PLEC: variants seen among roughly 807,000 people sequenced by gnomAD.
The protein encoded by PLEC is plectin, also known as hemidesmosomal protein 1.
A neutral mutation model predicts 392.8 loss-of-function variants in PLEC; 216 were observed. The observed-to-expected ratio is 0.55, with a 90% confidence interval of 0.49 to 0.62. The LOEUF is 0.62. Ranked by LOEUF, PLEC falls within the 20% of genes least tolerant of loss-of-function variation. The pLI is 0.00. For synonymous variants in PLEC, 3,621 were observed against 2,980.6 expected, an observed-to-expected ratio of 1.21 and a Z score of -7.00; for missense variants, 6,863 against 6,563.4, an observed-to-expected ratio of 1.05 and a Z score of -1.58.
In PLEC at chr8:143,929,575, G is replaced by T; in HGVS notation, c.2924-4C>A. 1 of 1,612,310 alleles carries T rather than the reference G, an allele frequency of 6.2e-7. No homozygotes were observed. The highest frequency in any genetic ancestry group is 8.5e-7 in the Non-Finnish European group (1 of 1,179,902). On this transcript the variant is annotated splice_region_variant and splice_polypyrimidine_tract_variant and intron_variant, in intron 23 of 31. Transcript: ENST00000345136. ...CAGCGAGACTCTTCCTGTGCACCTGGGGAACACATGTGGGTCACTCCACCG... is the reference window on the plus strand; with the variant it reads ...CAGCGAGACTCTTCCTGTGCACCTGTGGAACACATGTGGGTCACTCCACCG...
rs527943274 is a variant in PLEC, at chr8:143,922,487, C to G, written c.7425+17G>C. ...TCCCCGGGCCCACCCGCCCGTCGCA[C>G]GTAGAGGGGGCGGTACCTCCTCAGA... On this transcript the variant is annotated intron_variant, in intron 31 of 31. Transcript: ENST00000345136. 1.9e-6 allele frequency: 3 copies of G among 1,605,572 alleles called. No individual in the cohort carries two copies. The highest frequency in any genetic ancestry group is 2.7e-5 in the African/African-American group (2 of 75,060).
chr8:143,925,988 G>A, intron 30 of PLEC, 104 bp from the exon 31 acceptor site: 1 of 1,301,624 alleles, frequency 7.7e-7, no homozygotes, highest in Non-Finnish European at 1.1e-6. Flanking sequence ...GCGCGGAGCA[G>A]GGGTCGGGGA....
rs201043674 is a variant in PLEC, at chr8:143,917,170, C to T, written c.12651G>A (p.Ser4217=). ...DAIAKNLIDR[S]ALDQYRAGTL... The stretch of plus-strand genomic sequence containing the variant: ...TGCCGGCGCGGTACTGGTCCAGTGC[C>T]GAGCGGTCGATGAGGTTCTTGGCGA... Residue 4217 remains serine (S), a synonymous_variant, in exon 32 of 32, where the codon TCG becomes TCA. Coordinates refer to ENST00000345136, the MANE Select transcript of PLEC (RefSeq NM_201384.3). The T allele has an allele frequency of 3.3e-5, 53 of 1,611,814 alleles. No homozygotes were observed. In the Middle Eastern group the frequency reaches 6.6e-4, roughly 20 times the overall value.
chr8:143,926,648 G>T (rs879996117), intron 30 of PLEC, 136 bp downstream of exon 30: 4 of 797,204 alleles, frequency 5.0e-6, no homozygotes, highest in Non-Finnish European at 8.8e-6. Flanking sequence ...CTGGGGGCAG[G>T]GGGTGCTGGC....
Position 143,917,183 on chromosome 8 carries a change from A to C in PLEC, c.12638T>G (p.Leu4213Arg), listed in dbSNP as rs1554671330. The change falls in exon 32 of 32, where the codon CTC becomes CGC. Residue 4213 changes from leucine (L) to arginine (R), a missense_variant. Physicochemically the swap from Leu to Arg is moderately radical, Grantham distance 102 (BLOSUM62 -2). Transcript: ENST00000345136. ...CTGGTCCAGTGCCGAGCGGTCGATGAGGTTCTTGGCGATGGCATCATCGAT... is the reference window on the plus strand; with the variant it reads ...CTGGTCCAGTGCCGAGCGGTCGATGCGGTTCTTGGCGATGGCATCATCGAT... ...YDIDDAIAKN[L>R]IDRSALDQYR... 3 of 1,612,272 alleles carry C rather than the reference A, an allele frequency of 1.9e-6. No individual in the cohort carries two copies. The highest frequency in any genetic ancestry group is 2.7e-5 in the African/African-American group (2 of 74,990).
At chr8:143,933,380 A>G in intron 12 of PLEC, 29 bp from the exon 13 acceptor site, 4 of 1,604,854 alleles carry the variant, frequency 2.5e-6, no homozygotes, top group Non-Finnish European at 3.4e-6. Context: ...GACTCGGAGC[A>G]CAGCTGATCC....
In PLEC at chr8:143,925,545, C is replaced by T; in HGVS notation, c.4384G>A (p.Glu1462Lys). 1.3e-6 allele frequency: 2 copies of T among 1,594,044 alleles called. No homozygotes were observed. Among genetic ancestry groups the T allele is most frequent in the Non-Finnish European group, 8.5e-7 (1 of 1,177,482 alleles). Residue 1462 changes from glutamate (E) to lysine (K), a missense_variant, in exon 31 of 32, where the codon GAG becomes AAG. By Grantham distance (56) the Glu-to-Lys change is moderately conservative (BLOSUM62 1). Transcript: ENST00000345136. ...CCGCCACGCTGGCGCTCGGTGGCCT[C>T]CAACTGCAGGCGCACCACGCGGATC... ...EEIRVVRLQLEATERQRGGAE... is the reference protein window; with the variant it reads ...EEIRVVRLQLKATERQRGGAE...
In PLEC at chr8:143,920,628, CGGTGCCGGCCTGGGCTTCCAACA is replaced by C; in HGVS notation, c.9170_9192del (p.Leu3057ArgfsTer29). ...CTGGTGGCGGGGTCGATGATGTGCC[CGGTGCCGGCCTGGGCTTCCAACA>C]GGGCCACGGCCATGTCGGATGGCAG... On this transcript the variant is annotated frameshift_variant, in exon 32 of 32. Transcript: ENST00000345136. LOFTEE classifies it high-confidence loss of function. 1 of 1,606,658 alleles carries C rather than the reference CGGTGCCGGCCTGGGCTTCCAACA, an allele frequency of 6.2e-7. No individual in the cohort carries two copies. Among genetic ancestry groups the C allele is most frequent in the South Asian group, 1.1e-5 (1 of 91,086 alleles).
In PLEC at chr8:143,926,862, G is replaced by C; in HGVS notation, c.3966C>G (p.His1322Gln). 6.2e-7 allele frequency: 1 copy of C among 1,613,452 alleles called. No homozygotes were observed. Among genetic ancestry groups the C allele is most frequent in the Non-Finnish European group, 8.5e-7 (1 of 1,179,782 alleles). ...VIQEYVDLRT[H>Q]YSELTTLTSQ... ...TCGTCAGTGTGGTCAGCTCGCTGTA[G>C]TGCGTACGCAGGTCCACGTACTGTG... The change falls in exon 30 of 32, where the codon CAC becomes CAG. Residue 1322 changes from histidine to glutamine, a missense_variant. His to Gln is a conservative substitution (Grantham distance 24). Transcript: ENST00000345136.
At chr8:143,939,606 C>G (rs951247195), upstream of PLEC, 63 of 1,481,182 alleles carry the variant, frequency 4.3e-5, no homozygotes, top group African/African-American at 7.4e-4. Context: ...CCAGTCGGTG[C>G]GGCCACTCCC....
At position 143,923,667 on chromosome 8, in the gene PLEC, G is replaced by A. The variant is rs558683670; in HGVS notation, c.6262C>T (p.Arg2088Trp). 1.6e-4 allele frequency: 257 copies of A among 1,560,090 alleles called. 3 individuals carry two copies. In the South Asian group the frequency reaches 2.3e-3, roughly 14 times the overall value. ...QLRGEAEAARRAAEEAEEARV... is the reference protein window; with the variant it reads ...QLRGEAEAARWAAEEAEEARV... ...GCCTCCTCCGCCTCCTCAGCCGCCC[G>A]CCGGGCCGCCTCCGCCTCGCCGCGC... The change falls in exon 31 of 32, where the codon CGG (arginine) becomes TGG (tryptophan). Residue 2088 changes from arginine (R) to tryptophan (W), a missense_variant. Coordinates refer to ENST00000345136, the MANE Select transcript of PLEC (RefSeq NM_201384.3).
chr8:143,920,273 T>A lies in PLEC; in HGVS notation c.9548A>T (p.Asp3183Val). Residue 3183 changes from aspartate to valine, a missense_variant, in exon 32 of 32, where the codon GAC (aspartate) becomes GTC (valine). By Grantham distance (152) the Asp-to-Val change is radical (BLOSUM62 -3). Transcript: ENST00000345136. ...APRADAKAYS[D>V]PSTGEPATYG... is the part of the protein sequence containing the mutation. ...GGTGGCCGGCTCCCCTGTGCTGGGGTCACTGTAGGCCTTGGCGTCGGCCCT... is the reference window on the plus strand; with the variant it reads ...GGTGGCCGGCTCCCCTGTGCTGGGGACACTGTAGGCCTTGGCGTCGGCCCT... 1 of 1,596,076 alleles carries A rather than the reference T, an allele frequency of 6.3e-7. No individual in the cohort carries two copies. Among genetic ancestry groups the A allele is most frequent in the South Asian group, 1.1e-5 (1 of 90,244 alleles).
At chr8:143,946,468 G>A (rs12549853) in intron 1 of PLEC, 430,673 of 1,148,714 alleles carry the variant, frequency 0.37, 83,926 homozygotes, top group Non-Finnish European at 0.4. Flanking sequence ...AGGGGTGGGA[G>A]GCAGAGGGAG....
intron 2 of PLEC, 109 bp downstream of exon 2, chr8:143,938,522 G>C: frequency 1.9e-6 from 3 of 1,550,924 alleles, no homozygotes; most frequent in Non-Finnish European, 2.7e-6. Flanking sequence ...AGAGATGAAA[G>C]GTGAGCACAC....
chr8:143,944,268 G>T (rs1831091462), upstream of PLEC, among the ~76,000 whole-genome samples: 1 of 152,082 alleles, frequency 6.6e-6, no homozygotes, highest in Admixed American at 6.5e-5. Context: ...AGCACTGCCC[G>T]CGGCCTCGGC....
At position 143,925,437 on chromosome 8, in the gene PLEC, G is replaced by A. The variant is rs782021381; in HGVS notation, c.4492C>T (p.Arg1498Cys). The change falls in exon 31 of 32, where the codon CGC (arginine) becomes TGC (cysteine). Residue 1498 changes from arginine (R) to cysteine (C), a missense_variant. Coordinates refer to ENST00000345136, the MANE Select transcript of PLEC (RefSeq NM_201384.3). Reference protein sequence around the residue: ...QKRQAQEEAERLRRQVQDESQ... With the variant: ...QKRQAQEEAECLRRQVQDESQ... ...TCGTCCTGCACCTGCCTCCGCAAGC[G>A]CTCGGCCTCCTCCTGCGCCTGTCGC... The A allele has an allele frequency of 8.2e-6, 13 of 1,594,974 alleles. No homozygotes were observed. Among genetic ancestry groups the A allele is most frequent in the South Asian group, 3.3e-5 (3 of 90,758 alleles).
Position 143,921,208 on chromosome 8 carries a change from G to A in PLEC, c.8613C>T (p.Cys2871=), listed in dbSNP as rs35821434. The change falls in exon 32 of 32, where the codon TGC becomes TGT. Residue 2871 remains cysteine (C), a synonymous_variant. Coordinates refer to ENST00000345136, the MANE Select transcript of PLEC (RefSeq NM_201384.3). The part of the protein sequence containing the change: ...NLTYLQLLER[C]VEDPETGLCL... Reference sequence around the variant, plus strand: ...ACAGGCCCGTCTCGGGGTCCTCCACGCAGCGCTCCAGTAGCTGCAGGTACG... The same window carrying A: ...ACAGGCCCGTCTCGGGGTCCTCCACACAGCGCTCCAGTAGCTGCAGGTACG... 538 of 1,614,006 alleles carry A rather than the reference G, an allele frequency of 3.3e-4. 3 individuals carry two copies. Among genetic ancestry groups the A allele is most frequent in the African/African-American group, 1.1e-4 (8 of 75,064 alleles).
chr8:143,924,391 C>T lies in PLEC; in HGVS notation c.5538G>A (p.Thr1846=), dbSNP rs781851116. The change falls in exon 31 of 32, where the codon ACG becomes ACA. Residue 1846 remains threonine, a synonymous_variant. Coordinates refer to ENST00000345136, the MANE Select transcript of PLEC (RefSeq NM_201384.3). The part of the protein sequence containing the change: ...AEKLAAIGEA[T]RLKTEAEIAL... ...CGATCTCCGCCTCCGTCTTGAGCCG[C>T]GTGGCCTCGCCGATGGCGGCCAGCT... 41 of 1,595,150 alleles carry T rather than the reference C, an allele frequency of 2.6e-5. No homozygotes were observed. The highest frequency in any genetic ancestry group is 8.0e-5 in the African/African-American group (6 of 74,714).
Position 143,932,860 on chromosome 8 carries a change from C to G in PLEC, c.1670G>C (p.Ser557Thr), listed in dbSNP as rs1406536132. The G allele has an allele frequency of 6.2e-7, 1 of 1,611,290 alleles. No individual in the cohort carries two copies. Among genetic ancestry groups the G allele is most frequent in the East Asian group, 2.2e-5 (1 of 44,798 alleles). ...GATGGACTGGTGCAGGCCTCGGTGG[C>G]TGCCCAGCTGCGCCTCCACGCTGGG... ...DLPSVEAQLGSHRGLHQSIEE... is the reference protein window; with the variant it reads ...DLPSVEAQLGTHRGLHQSIEE... Residue 557 changes from serine (S) to threonine (T), a missense_variant, in exon 14 of 32, where the codon AGC (serine) becomes ACC (threonine). By Grantham distance (58) the Ser-to-Thr change is moderately conservative. Coordinates refer to ENST00000345136, the MANE Select transcript of PLEC (RefSeq NM_201384.3).
Sources: gnomAD v4.1 joint callset for allele counts (sites outside exome capture counted in the v4.1 genomes callset) on GRCh38, gnomAD v4.1.1 for gene constraint, MANE v1.5 for transcripts, NCBI Gene and HGNC (gene_info 2026-07-23, HGNC 2026-07-21) for gene names.